Variants in DLGAP2 observed in about 807,000 individuals in gnomAD.
DLGAP2 encodes the protein disks large-associated protein 2.
In DLGAP2, 26 loss-of-function variants were observed where a neutral mutation model predicts 100.3. That is an observed-to-expected ratio of 0.26 (90% CI 0.19 to 0.36). The LOEUF (loss-of-function observed/expected upper bound fraction) is 0.36. Among genes scored for constraint, DLGAP2 ranks in the 10% least tolerant of loss-of-function variants. DLGAP2 has a pLI of 1.00. For missense variants in DLGAP2, 1,858 were observed against 1,453.2 expected, an observed-to-expected ratio of 1.28 and a Z score of -4.53; for synonymous variants, 886 against 630.1, an observed-to-expected ratio of 1.41 and a Z score of -6.08.
chr8:1,384,373 C>G (rs1220907888), intron 3 of DLGAP2, among the ~76,000 whole-genome samples: 2 of 142,196 alleles, frequency 1.4e-5, no homozygotes, highest in Admixed American at 7.0e-5. Context: ...CACAGTTACC[C>G]CGGCCTGTGC....
chr8:1,267,598 T>TAAAAAAAA (rs369307454), intron 3 of DLGAP2, among the ~76,000 whole-genome samples: 1 of 43,618 alleles, frequency 2.3e-5, no homozygotes, highest in African/African-American at 1.1e-4. Flanking sequence ...TAAGATAAGA[T>TAAAAAAAA]AAGATAAGAT....
At chr8:1,647,597 C>T (rs1441401719) in intron 8 of DLGAP2, among the ~76,000 whole-genome samples, 1 of 148,498 alleles carries the variant, frequency 6.7e-6, no homozygotes, top group East Asian at 2.0e-4. Context: ...ATGCAGACAG[C>T]AGAACACATT....
intron 2 of DLGAP2, among the ~76,000 whole-genome samples, chr8:1,193,537 C>T (rs115217519): frequency 6.6e-6 from 1 of 152,142 alleles, no homozygotes; most frequent in Non-Finnish European, 1.5e-5. Flanking sequence ...CGCTGAAATC[C>T]ACAGATGGCA....
intron 3 of DLGAP2, among the ~76,000 whole-genome samples, chr8:1,322,296 A>C (rs1156973898): frequency 6.6e-6 from 1 of 152,248 alleles, no homozygotes; most frequent in Non-Finnish European, 1.5e-5. Context: ...ATACTGAAAA[A>C]ACTTCGAAAT....
intron 2 of DLGAP2, among the ~76,000 whole-genome samples, chr8:1,247,463 G>GT: frequency 9.2e-6 from 1 of 108,792 alleles, no homozygotes; most frequent in Non-Finnish European, 1.8e-5. Flanking sequence ...AGATCAGTGT[G>GT]GGAGTGATGG....
intron 8 of DLGAP2, among the ~76,000 whole-genome samples, chr8:1,640,194 G>A (rs188812335): frequency 4.6e-5 from 7 of 152,270 alleles, no homozygotes; most frequent in South Asian, 2.1e-4. Context: ...AATCCTTGTC[G>A]TAAATCCAGG....
chr8:1,025,689 G>T (rs142841609), intron 2 of DLGAP2, among the ~76,000 whole-genome samples: 19 of 152,054 alleles, frequency 1.2e-4, no homozygotes, highest in Admixed American at 2.6e-4. Flanking sequence ...CTGATAAAGT[G>T]CTACTTTATA....
chr8:1,543,621 C>A (rs952664756), intron 4 of DLGAP2, among the ~76,000 whole-genome samples: 1 of 152,140 alleles, frequency 6.6e-6, no homozygotes, highest in African/African-American at 2.4e-5. Flanking sequence ...AGTCTTCCAA[C>A]CTGGTTCTTC....
intron 2 of DLGAP2, among the ~76,000 whole-genome samples, chr8:1,115,017 GAGTCTTA>G (rs1563199585): frequency 6.6e-6 from 1 of 152,168 alleles, no homozygotes; most frequent in African/African-American, 2.4e-5. Context: ...GTGATTTTCT[GAGTCTTA>G]ACTTCTACTT....
At chr8:1,481,979 A>G (rs56717923) in intron 3 of DLGAP2, among the ~76,000 whole-genome samples, 8,312 of 152,250 alleles carry the variant, frequency 0.055, 727 homozygotes, top group African/African-American at 0.19. Flanking sequence ...AGGGGCCCCA[A>G]TGACTGCTCT....
At chr8:862,207 G>A (rs934317555) in intron 1 of DLGAP2, among the ~76,000 whole-genome samples, 2 of 152,036 alleles carry the variant, frequency 1.3e-5, no homozygotes, top group South Asian at 2.1e-4. Flanking sequence ...GGGCTGAGTC[G>A]CACCCAGATT....
chr8:1,371,002 A>G (rs182846924), intron 3 of DLGAP2, among the ~76,000 whole-genome samples: 1 of 152,242 alleles, frequency 6.6e-6, no homozygotes, highest in Non-Finnish European at 1.5e-5. Flanking sequence ...TAAGTAGTTT[A>G]TGTGTCAGCC....
At chr8:1,689,654 G>A (rs529894298) in intron 12 of DLGAP2, among the ~76,000 whole-genome samples, 2 of 152,004 alleles carry the variant, frequency 1.3e-5, no homozygotes, top group Admixed American at 1.3e-4. Flanking sequence ...AAAAGAGCAG[G>A]TGGAATCATC....
intron 6 of DLGAP2, among the ~76,000 whole-genome samples, chr8:1,626,349 C>G (rs1396967447): frequency 8.4e-5 from 10 of 119,164 alleles, no homozygotes; most frequent in African/African-American, 3.6e-4. Flanking sequence ...GTTCCCATCT[C>G]TACCCTGCAG....
At chr8:1,505,649 T>C (rs576366758) in intron 4 of DLGAP2, among the ~76,000 whole-genome samples, 5 of 152,306 alleles carry the variant, frequency 3.3e-5, no homozygotes, top group Non-Finnish European at 5.9e-5. Context: ...ACTGATAAAA[T>C]GAATTAATGT....
At chr8:1,487,923 A>T (rs1799271761) in intron 3 of DLGAP2, among the ~76,000 whole-genome samples, 3 of 152,160 alleles carry the variant, frequency 2.0e-5, no homozygotes, top group African/African-American at 7.2e-5. Flanking sequence ...ACGTCCTCAG[A>T]TTATCCCTCT....
intron 2 of DLGAP2, among the ~76,000 whole-genome samples, chr8:968,993 A>G (rs931059874): frequency 6.6e-6 from 1 of 152,162 alleles, no homozygotes; most frequent in South Asian, 2.1e-4. Flanking sequence ...CTTGCTGCAT[A>G]GTGTGTGGGT....
chr8:1,607,375 C>T (rs1796834111), intron 6 of DLGAP2, among the ~76,000 whole-genome samples: 1 of 152,134 alleles, frequency 6.6e-6, no homozygotes. Flanking sequence ...TGGAGGATTT[C>T]CATAATGCTC....
chr8:1,207,172 T>C (rs1798014253), intron 2 of DLGAP2, among the ~76,000 whole-genome samples: 1 of 152,224 alleles, frequency 6.6e-6, no homozygotes, highest in Non-Finnish European at 1.5e-5. Flanking sequence ...ATTTCTGAGA[T>C]TTTAGTGCAC....
Sources: allele counts gnomAD v4.1 joint callset (sites outside exome capture counted in the v4.1 genomes callset), GRCh38; gene constraint gnomAD v4.1.1; transcripts MANE v1.5; gene names NCBI Gene and HGNC (gene_info 2026-07-23, HGNC 2026-07-21).